The following UVSSA variants were observed in gnomAD, a reference collection of about 807,000 sequenced individuals.
UVSSA encodes the protein UV stimulated scaffold protein A.
In UVSSA, 72 loss-of-function variants were observed where a neutral mutation model predicts 73.9. The observed-to-expected ratio is 0.97, with a 90% confidence interval of 0.81 to 1.19. The LOEUF is 1.19. Ranked by LOEUF, UVSSA falls within the 50% of genes most tolerant of loss-of-function variation. The pLI, the probability that UVSSA is intolerant of heterozygous loss-of-function variation, is 0.00. For synonymous variants in UVSSA, 454 were observed against 391.3 expected, an observed-to-expected ratio of 1.16 and a Z score of -1.89; for missense variants, 1,150 against 965.0, an observed-to-expected ratio of 1.19 and a Z score of -2.54.
chr4:1,366,599 C>T (rs1290755174), intron 8 of UVSSA, among the ~76,000 whole-genome samples, 168 bp downstream of exon 8: 4 of 152,300 alleles, frequency 2.6e-5, no homozygotes, highest in East Asian at 3.9e-4. Context: ...GCCACGAGGC[C>T]GAGAAGTCGT....
At chr4:1,377,552 T>G (rs1718926090) in intron 10 of UVSSA, among the ~76,000 whole-genome samples, 1 of 151,940 alleles carries the variant, frequency 6.6e-6, no homozygotes, top group African/African-American at 2.4e-5. Context: ...AGTGCTTGGT[T>G]TCTGAGCCTG....
chr4:1,379,605 C>T (rs1452948207), intron 10 of UVSSA, among the ~76,000 whole-genome samples: 2 of 152,210 alleles, frequency 1.3e-5, no homozygotes, highest in African/African-American at 2.4e-5. Flanking sequence ...CCGCCCTGTC[C>T]TTACGTCCCT....
intron 11 of UVSSA, 147 bp from the exon 12 acceptor site, chr4:1,380,733 G>A (rs1719378757): frequency 6.4e-7 from 1 of 1,551,072 alleles, no homozygotes; most frequent in African/African-American, 1.4e-5. Context: ...TCCTCTGAGG[G>A]GCGCGTGATT....
exon 14 of UVSSA, chr4:1,394,491 C>T (rs1720473208): frequency 3.1e-6 from 5 of 1,614,066 alleles, no homozygotes; most frequent in Non-Finnish European, 4.2e-6. Flanking sequence ...AAATAGCTGT[C>T]CAGGTGTCCC....
At chr4:1,370,284 T>C (rs1017594670) in intron 8 of UVSSA, among the ~76,000 whole-genome samples, 1 of 152,220 alleles carries the variant, frequency 6.6e-6, no homozygotes, top group Admixed American at 6.5e-5. Context: ...TGCATGCGTG[T>C]GCTGACAGCC....
exon 14 of UVSSA, chr4:1,394,633 G>A (rs1720480540): frequency 6.6e-7 from 1 of 1,510,002 alleles, no homozygotes; most frequent in Non-Finnish European, 9.0e-7. Flanking sequence ...TGTCGATGCG[G>A]AGTGCCCGCC....
upstream of UVSSA, among the ~76,000 whole-genome samples, chr4:1,345,313 A>G (rs1713581725): frequency 2.6e-5 from 4 of 152,252 alleles, no homozygotes; most frequent in Admixed American, 2.0e-4. Flanking sequence ...AGTGAGTCAG[A>G]TAATTGGTCC....
At chr4:1,355,298 G>A (rs1330789462) in intron 7 of UVSSA, 53 bp downstream of exon 7, 2 of 1,523,848 alleles carry the variant, frequency 1.3e-6, no homozygotes, top group African/African-American at 1.4e-5. Context: ...CAGTGGGGGA[G>A]GAGAAGCTGT....
In UVSSA at chr4:1,353,429, G is replaced by T; in HGVS notation, c.934+16G>T. 3.4e-6 allele frequency: 5 copies of T among 1,467,506 alleles called. No homozygotes were observed. The highest frequency in any genetic ancestry group is 3.6e-6 in the Non-Finnish European group (4 of 1,106,254). The allele number at this position is 1,467,506 out of a possible 1,614,324, so 90.9% of individuals were successfully genotyped here. A position where few individuals can be genotyped will look rare whatever the true frequency, so the allele number is the denominator to read the frequency against. The stretch of plus-strand genomic sequence containing the variant: ...CTCTGCTCAGGTAACTGCCTTCGCG[G>T]GGTCTCTGTGGCGCCACCCTGCCCC... On this transcript the variant is annotated intron_variant, in intron 5 of 13. Transcript: ENST00000389851.
chr4:1,343,148 A>G (rs1193910228), upstream of UVSSA, among the ~76,000 whole-genome samples: 2 of 151,990 alleles, frequency 1.3e-5, no homozygotes, highest in African/African-American at 4.8e-5. Context: ...AACAATGGAC[A>G]TTTATTTCTT....
At chr4:1,355,508 C>T (rs145294402) in intron 7 of UVSSA, among the ~76,000 whole-genome samples, 285 of 152,326 alleles carry the variant, frequency 1.9e-3, no homozygotes, top group South Asian at 4.6e-3. Flanking sequence ...GAGTGCTGTG[C>T]GCGCCTCCAG....
intron 8 of UVSSA, among the ~76,000 whole-genome samples, chr4:1,370,296 G>A (rs139549880): frequency 1.8e-4 from 28 of 152,296 alleles, no homozygotes; most frequent in African/African-American, 5.8e-4. Context: ...CTGACAGCCC[G>A]TATCTGTGTC....
At chr4:1,374,520 C>G (rs1435080723) in intron 8 of UVSSA, among the ~76,000 whole-genome samples, 2 of 152,156 alleles carry the variant, frequency 1.3e-5, no homozygotes, top group South Asian at 4.1e-4. Flanking sequence ...CCTGGGTGCA[C>G]GCTGGGCTGC....
rs55954740 is a variant in UVSSA, at chr4:1,394,709, TCACA to T, written c.*8752_*8755del. The T allele has an allele frequency of 8.1e-5, 128 of 1,589,164 alleles. 2 individuals carry two copies. Among genetic ancestry groups the T allele is most frequent in the South Asian group, 2.7e-4 (24 of 90,222 alleles). ...GTGCCCATGTGGAGTGCCCGCCTGC[TCACA>T]CACGTGTCCATGTGGAGTGCCCACC... On this transcript the variant is annotated 3_prime_UTR_variant, in exon 14 of 14. Transcript: ENST00000511216.
chr4:1,375,209 C>T, intron 8 of UVSSA, 155 bp from the exon 9 acceptor site: 4 of 1,264,798 alleles, frequency 3.2e-6, no homozygotes, highest in Non-Finnish European at 3.3e-6. Context: ...GGGCCTCACC[C>T]TCGCCCGTGA....
At chr4:1,392,233 A>G (rs1720428245), downstream of UVSSA, 1 of 152,230 alleles carries the variant, frequency 6.6e-6, no homozygotes, top group Admixed American at 6.5e-5. Flanking sequence ...TTGGTGCTGT[A>G]TTTGTCATAT....
intron 8 of UVSSA, among the ~76,000 whole-genome samples, chr4:1,370,879 G>T (rs1006535201): frequency 1.3e-5 from 2 of 152,218 alleles, no homozygotes; most frequent in African/African-American, 4.8e-5. Context: ...CAGGGACGGG[G>T]TCGGTGGCTC....
At chr4:1,354,524 G>A (rs1715351679) in intron 5 of UVSSA, 2 of 577,180 alleles carry the variant, frequency 3.5e-6, no homozygotes, top group African/African-American at 3.7e-5. Context: ...CGTGTGAGGG[G>A]AGGCTTTGGT....
chr4:1,346,256 C>T (rs1337760775), upstream of UVSSA, among the ~76,000 whole-genome samples: 1 of 152,256 alleles, frequency 6.6e-6, no homozygotes, highest in Non-Finnish European at 1.5e-5. Flanking sequence ...TGCAAGGGCA[C>T]GCCCATCCCC....
Sources: gnomAD v4.1 joint callset for allele counts (sites outside exome capture counted in the v4.1 genomes callset) on GRCh38, gnomAD v4.1.1 for gene constraint, MANE v1.5 for transcripts, NCBI Gene and HGNC (gene_info 2026-07-23, HGNC 2026-07-21) for gene names.